Variants in PLXNA4 observed in about 807,000 individuals in gnomAD.
PLXNA4 encodes plexin A4.
Under a neutral mutation model 191.8 loss-of-function variants are expected in PLXNA4, and 44 were observed. That is an observed-to-expected ratio of 0.23 (90% confidence interval 0.18 to 0.29). The LOEUF (loss-of-function observed/expected upper bound fraction) is 0.29. Among genes scored for constraint, PLXNA4 ranks in the 10% least tolerant of loss-of-function variants. PLXNA4 has a pLI of 1.00. For missense variants in PLXNA4, 1,800 were observed against 2,488.8 expected (o/e 0.72, Z 5.89); for synonymous variants, 1,082 against 1,009.5 (o/e 1.07, Z -1.36).
intron 1 of PLXNA4, among the ~76,000 whole-genome samples, chr7:132,529,988 G>A (rs543721794): frequency 1.3e-4 from 20 of 152,310 alleles, no homozygotes; most frequent in African/African-American, 4.8e-4. Flanking sequence ...TGAGGAAGCA[G>A]TCCCAGGGTT....
At chr7:132,570,751 G>T (rs1801942824) in intron 1 of PLXNA4, among the ~76,000 whole-genome samples, 1 of 152,234 alleles carries the variant, frequency 6.6e-6, no homozygotes, top group African/African-American at 2.4e-5. Flanking sequence ...CTTAGCTAGT[G>T]ATCTGTTTTG....
At chr7:132,374,390 C>A (rs909611812) in intron 3 of PLXNA4, among the ~76,000 whole-genome samples, 1 of 152,128 alleles carries the variant, frequency 6.6e-6, no homozygotes, top group Non-Finnish European at 1.5e-5. Flanking sequence ...TCCACCTTGC[C>A]TTAATACCAC....
At chr7:132,281,754 G>T (rs533390116) in intron 4 of PLXNA4, among the ~76,000 whole-genome samples, 3 of 152,138 alleles carry the variant, frequency 2.0e-5, no homozygotes, top group Non-Finnish European at 4.4e-5. Context: ...ACAGCTGCTT[G>T]TCAGAACTGA....
chr7:132,351,760 C>T (rs751019186), intron 3 of PLXNA4, among the ~76,000 whole-genome samples: 11 of 152,150 alleles, frequency 7.2e-5, no homozygotes, highest in Non-Finnish European at 1.3e-4. Context: ...GTAGCAGGTA[C>T]CAGGCCTCTG....
At chr7:132,365,369 G>GCGCA (rs1804132845) in intron 3 of PLXNA4, among the ~76,000 whole-genome samples, 1 of 151,850 alleles carries the variant, frequency 6.6e-6, no homozygotes, top group Non-Finnish European at 1.5e-5. Context: ...GTGCGTGCGC[G>GCGCA]CGCATGCATG....
chr7:132,245,183 G>A (rs1157371923), intron 4 of PLXNA4, among the ~76,000 whole-genome samples: 1 of 151,716 alleles, frequency 6.6e-6, no homozygotes, highest in East Asian at 1.9e-4. Context: ...ACAGGAAGAG[G>A]TGAAAAAAGA....
chr7:132,259,472 AAGAAAAAAGG>A (rs1799554870), intron 4 of PLXNA4, among the ~76,000 whole-genome samples: 6 of 131,646 alleles, frequency 4.6e-5, no homozygotes, highest in African/African-American at 1.2e-4. Context: ...AAAAAAAAAA[AAGAAAAAAGG>A]AAAAAAGAAA....
intron 1 of PLXNA4, among the ~76,000 whole-genome samples, chr7:132,570,519 A>T (rs1801930907): frequency 6.6e-6 from 1 of 152,230 alleles, no homozygotes; most frequent in Non-Finnish European, 1.5e-5. Flanking sequence ...AGCTGTGCTC[A>T]TTCGAGAAGA....
chr7:132,602,676 A>G (rs1364720494), intron 2 of PLXNA4, among the ~76,000 whole-genome samples: 1 of 152,202 alleles, frequency 6.6e-6, no homozygotes, highest in African/African-American at 2.4e-5. Flanking sequence ...CAAAATAGTT[A>G]CCAGGGATGA....
chr7:132,448,815 T>C (rs776809212), intron 3 of PLXNA4, among the ~76,000 whole-genome samples: 2 of 152,244 alleles, frequency 1.3e-5, no homozygotes, highest in Non-Finnish European at 1.5e-5. Context: ...GAATTCTATA[T>C]GCACATTTAT....
At chr7:132,648,138 T>TAC (rs750632611) in intron 1 of PLXNA4, among the ~76,000 whole-genome samples, 2 of 152,148 alleles carry the variant, frequency 1.3e-5, no homozygotes, top group South Asian at 2.1e-4. Context: ...TACACTCACG[T>TAC]ACACACACAC....
At chr7:132,144,951 A>G (rs1291711216) in intron 29 of PLXNA4, among the ~76,000 whole-genome samples, 168 bp downstream of exon 29, 1 of 152,210 alleles carries the variant, frequency 6.6e-6, no homozygotes, top group Admixed American at 6.5e-5. Context: ...ACAAAAATCT[A>G]GGAAGAGTGG....
intron 3 of PLXNA4, among the ~76,000 whole-genome samples, chr7:132,473,318 G>T (rs546737981): frequency 1.2e-4 from 19 of 152,142 alleles, no homozygotes; most frequent in Non-Finnish European, 2.6e-4. Context: ...AGTGTGTCTG[G>T]TGGTCAGATT....
At chr7:132,457,154 GT>G (rs1487135291) in intron 3 of PLXNA4, among the ~76,000 whole-genome samples, 1 of 152,164 alleles carries the variant, frequency 6.6e-6, no homozygotes, top group Non-Finnish European at 1.5e-5. Context: ...GTGTTAACAT[GT>G]TACGTGTAAC....
rs562139499 is a variant in PLXNA4 at position 132,399,020 on chromosome 7, A to G, written c.1371+90272T>C. Among the ~76,000 whole-genome samples, 36 of 152,244 alleles carry G rather than the reference A, an allele frequency of 2.4e-4. 1 individual carries two copies. In the South Asian group the frequency reaches 6.8e-3, roughly 29 times the overall value. On this transcript the variant is annotated intron_variant, in intron 3 of 31. Transcript: ENST00000321063. ...GTTTTTCTCAAGGCCTCTCAACCAC[A>G]GGGCTGGATAAGGGTTTTAGAATCC... is the stretch of plus-strand genomic sequence containing the variant.
At chr7:132,389,165 G>C (rs930496020) in intron 3 of PLXNA4, among the ~76,000 whole-genome samples, 12 of 152,170 alleles carry the variant, frequency 7.9e-5, no homozygotes, top group African/African-American at 2.4e-4. Flanking sequence ...CTGGATACTA[G>C]CCCTTTGTCA....
intron 3 of PLXNA4, among the ~76,000 whole-genome samples, chr7:132,459,108 C>T (rs756971371): frequency 3.3e-5 from 5 of 152,160 alleles, no homozygotes; most frequent in South Asian, 2.1e-4. Context: ...AGAGCACGAC[C>T]GAACCAGAGC....
chr7:132,472,830 C>T (rs528000416), intron 3 of PLXNA4, among the ~76,000 whole-genome samples: 4 of 152,240 alleles, frequency 2.6e-5, no homozygotes, highest in South Asian at 2.1e-4. Flanking sequence ...GCGTGGCCAG[C>T]GGGGAACAGG....
At chr7:132,295,784 T>C (rs1801055972) in intron 4 of PLXNA4, among the ~76,000 whole-genome samples, 1 of 152,194 alleles carries the variant, frequency 6.6e-6, no homozygotes, top group Non-Finnish European at 1.5e-5. Context: ...TGGAAACTCC[T>C]GTCACAGAGT....
Sources: gnomAD v4.1 joint callset for allele counts (sites outside exome capture counted in the v4.1 genomes callset) on GRCh38, gnomAD v4.1.1 for gene constraint, MANE v1.5 for transcripts, NCBI Gene and HGNC (gene_info 2026-07-23, HGNC 2026-07-21) for gene names.